Variants in TOGARAM1 observed in about 807,000 individuals in gnomAD.
TOGARAM1 encodes the protein TOG array regulator of axonemal microtubules 1, also known as TOG array regulator of axonemal microtubules protein 1.
TOGARAM1 carries 100 observed loss-of-function variants against 166.6 expected under a neutral mutation model. The ratio of observed to expected loss-of-function variants is 0.60; its 90% CI spans 0.51 to 0.71. TOGARAM1 has a LOEUF of 0.71. Ranked by LOEUF, TOGARAM1 falls within the 30% of genes least tolerant of loss-of-function variation. The pLI is 0.00. For missense variants in TOGARAM1, 2,029 were observed against 2,102.7 expected, an observed-to-expected ratio of 0.96 and a Z score of 0.69; for synonymous variants, 758 against 763.8, an observed-to-expected ratio of 0.99 and a Z score of 0.13.
At chr14:44,977,404 T>A (rs977868981) in intron 1 of TOGARAM1, among the ~76,000 whole-genome samples, 4 of 151,312 alleles carry the variant, frequency 2.6e-5, no homozygotes, top group African/African-American at 9.7e-5. Context: ...CCAGCTAATT[T>A]TTTTTGTATT....
chr14:44,991,621 A>G (rs11849583), intron 1 of TOGARAM1, among the ~76,000 whole-genome samples: 17,020 of 152,270 alleles, frequency 0.11, 1,377 homozygotes, highest in African/African-American at 0.23. Context: ...GGCAAAGAAA[A>G]TGTCCATCAG....
Position 45,059,666 on chromosome 14 carries a change from A to T in TOGARAM1, c.4559+5117A>T, listed in dbSNP as rs546688425. On this transcript the variant is annotated intron_variant, in intron 16 of 19. Coordinates refer to ENST00000361462, the MANE Select transcript of TOGARAM1 (RefSeq NM_001308120.2). ...GCGAGACTCTGTCTCAAAAAAAACA[A>T]AACAAAACAAAACAAAACAAAAAAC... Among the ~76,000 whole-genome samples, 83 of 145,188 alleles carry T rather than the reference A, an allele frequency of 5.7e-4. 2 individuals are homozygous for T. Among genetic ancestry groups the T allele is most frequent in the Non-Finnish European group, 8.8e-5 (6 of 67,958 alleles).
intron 17 of TOGARAM1, 61 bp downstream of exon 17, chr14:45,066,828 C>T (rs1354410849): frequency 7.0e-7 from 1 of 1,427,076 alleles, no homozygotes; most frequent in East Asian, 2.3e-5. Context: ...GTAATCCAAG[C>T]ACTTTGGGAA....
chr14:45,049,786 G>A (rs1882269607), intron 14 of TOGARAM1, among the ~76,000 whole-genome samples: 1 of 151,806 alleles, frequency 6.6e-6, no homozygotes, highest in South Asian at 2.1e-4. Context: ...ATCATTATAG[G>A]CTAGTTAGGA....
chr14:45,007,103 A>G (rs1219290023), intron 5 of TOGARAM1: 8 of 151,334 alleles, frequency 5.3e-5, no homozygotes, highest in Admixed American at 5.3e-4. Context: ...TATAAATGCA[A>G]ATACTTAATT....
At chr14:45,051,908 A>G (rs1179724267) in intron 14 of TOGARAM1, among the ~76,000 whole-genome samples, 1 of 152,188 alleles carries the variant, frequency 6.6e-6, no homozygotes, top group African/African-American at 2.4e-5. Context: ...TAAACCCATC[A>G]TGAATAGGAA....
chr14:45,045,541 GTGTATATATATATA>G (rs761838922), intron 13 of TOGARAM1, among the ~76,000 whole-genome samples: 1,295 of 50,314 alleles, frequency 0.026, 94 homozygotes, highest in Middle Eastern at 0.054. Flanking sequence ...TGGTCTGTGT[GTGTATATATATATA>G]TATATATATA....
intron 9 of TOGARAM1, 42 bp from the exon 10 acceptor site, chr14:45,028,134 A>T: frequency 6.6e-7 from 1 of 1,512,596 alleles, no homozygotes; most frequent in Non-Finnish European, 8.9e-7. Flanking sequence ...TTTAAATATC[A>T]AAGTCCCTGA....
In TOGARAM1 at chr14:44,964,146, G is replaced by A; in HGVS notation, c.1725G>A (p.Arg575=). 6.2e-7 allele frequency: 1 copy of A among 1,614,212 alleles called. No homozygotes were observed. Among genetic ancestry groups the A allele is most frequent in the African/African-American group, 1.3e-5 (1 of 75,048 alleles). ...VMNAVQARLA[R]KTLPRLTEQG... is the part of the protein sequence containing the mutation. ...ATGCTGTGCAGGCCAGATTGGCTAG[G>A]AAAACCTTACCAAGGCTCACAGAGC... Residue 575 remains arginine, a synonymous_variant, in exon 1 of 20, where the codon AGG becomes AGA. Coordinates refer to ENST00000361462, the MANE Select transcript of TOGARAM1 (RefSeq NM_001308120.2).
intron 11 of TOGARAM1, among the ~76,000 whole-genome samples, 163 bp from the exon 12 acceptor site, chr14:45,043,523 A>G (rs1881831557): frequency 6.6e-6 from 1 of 152,102 alleles, no homozygotes; most frequent in Non-Finnish European, 1.5e-5. Flanking sequence ...CCTCAACCTC[A>G]TGAACCAACC....
At chr14:45,031,942 T>A (rs1881183764) in intron 10 of TOGARAM1, among the ~76,000 whole-genome samples, 1 of 152,100 alleles carries the variant, frequency 6.6e-6, no homozygotes, top group Non-Finnish European at 1.5e-5. Flanking sequence ...GATGGATTGC[T>A]TGAGGTCAGA....
At chr14:44,997,755 T>C (rs1322259611) in intron 2 of TOGARAM1, among the ~76,000 whole-genome samples, 2 of 149,968 alleles carry the variant, frequency 1.3e-5, no homozygotes, top group African/African-American at 2.5e-5. Context: ...CATGCCGAGA[T>C]CACACCACTA....
rs1887820743 is a variant in TOGARAM1 at position 45,004,041 on chromosome 14, T to A, written c.2339-20T>A. 6.3e-7 allele frequency: 1 copy of A among 1,584,082 alleles called. No homozygotes were observed. Among genetic ancestry groups the A allele is most frequent in the Middle Eastern group, 1.7e-4 (1 of 5,902 alleles). ...AACTGTGTATACATAAATAATATATTATCTTTTGTTTTATTACAGTGTATG... is the reference window on the plus strand; with the variant it reads ...AACTGTGTATACATAAATAATATATAATCTTTTGTTTTATTACAGTGTATG... On this transcript the variant is annotated intron_variant, in intron 3 of 19. Transcript: ENST00000361462.
At chr14:44,967,867 T>G (rs995632352) in intron 1 of TOGARAM1, among the ~76,000 whole-genome samples, 2 of 152,230 alleles carry the variant, frequency 1.3e-5, no homozygotes, top group African/African-American at 4.8e-5. Context: ...ATTTTCAGAT[T>G]TATATAATCT....
At chr14:45,007,790 T>C (rs990903113) in intron 5 of TOGARAM1, 12 of 152,202 alleles carry the variant, frequency 7.9e-5, no homozygotes, top group African/African-American at 2.4e-4. Flanking sequence ...ACTTTCATTT[T>C]CATTAGTTCA....
rs183616929 is a variant in TOGARAM1, at chr14:45,030,289, T to C, written c.3659-1934T>C. Among the ~76,000 whole-genome samples the C allele has an allele frequency of 3.7e-4, 57 of 152,310 alleles. No individual in the cohort carries two copies. In the East Asian group the frequency reaches 7.7e-3, roughly 21 times the overall value. On this transcript the variant is annotated intron_variant, in intron 10 of 19. Coordinates refer to ENST00000361462, the MANE Select transcript of TOGARAM1 (RefSeq NM_001308120.2). ...CTCAAGGTTGAAAATTTGGTGTTTA[T>C]CTATATCTCTTTCTAATGAGTTATT...
At position 44,962,270 on chromosome 14, in the gene TOGARAM1, C is replaced by T; in HGVS notation, c.-152C>T. 2.1e-6 allele frequency: 2 copies of T among 966,390 alleles called. No individual in the cohort carries two copies. Among genetic ancestry groups the T allele is most frequent in the Admixed American group, 3.3e-5 (1 of 30,466 alleles). 59.9% of individuals were successfully genotyped at this position (966,390 alleles called of 1,614,324 possible). On this transcript the variant is annotated 5_prime_UTR_variant, in exon 1 of 20. Transcript: ENST00000361462. ...GGGCCATTTTGCCAGAGGCTGCCTC[C>T]CGGAGTTGGGGGCGGCCTGGCGGCA...
intron 11 of TOGARAM1, among the ~76,000 whole-genome samples, chr14:45,039,495 G>A (rs1201568171): frequency 6.6e-6 from 1 of 152,076 alleles, no homozygotes; most frequent in African/African-American, 2.4e-5. Context: ...TGTGCTGAGG[G>A]GTGCCTGCAG....
chr14:45,001,684 T>G (rs1382809752), intron 3 of TOGARAM1, among the ~76,000 whole-genome samples: 3 of 152,238 alleles, frequency 2.0e-5, no homozygotes, highest in African/African-American at 7.2e-5. Context: ...AGATGAGCAT[T>G]TTAATACCAA....
Sources: allele counts gnomAD v4.1 joint callset (sites outside exome capture counted in the v4.1 genomes callset), GRCh38; gene constraint gnomAD v4.1.1; transcripts MANE v1.5; gene names NCBI Gene and HGNC (gene_info 2026-07-23, HGNC 2026-07-21).